Variants in RBBP6 observed in about 807,000 individuals in gnomAD.
RBBP6 encodes RB binding protein 6, ubiquitin ligase, also known as E3 ubiquitin-protein ligase RBBP6.
RBBP6 carries 25 observed loss-of-function variants against 167.7 expected under a neutral mutation model. The observed-to-expected ratio is 0.15, with a 90% CI of 0.11 to 0.21. The LOEUF (loss-of-function observed/expected upper bound fraction) is 0.21. RBBP6 is among the 10% of genes least tolerant of loss of function. The probability of loss-of-function intolerance (pLI) is 1.00; values close to 1 mark genes in which losing one functional copy is unlikely to be tolerated. For synonymous variants in RBBP6, 789 were observed against 735.8 expected, an observed-to-expected ratio of 1.07 and a Z score of -1.17; for missense variants, 1,868 against 2,134.2, an observed-to-expected ratio of 0.88 and a Z score of 2.46.
rs775927814 is a variant in RBBP6, at chr16:24,570,886, A to G, written c.3820A>G (p.Thr1274Ala). Residue 1274 changes from threonine to alanine, a missense_variant, in exon 18 of 18, where the codon ACT (threonine) becomes GCT (alanine). Coordinates refer to ENST00000319715, the MANE Select transcript of RBBP6 (RefSeq NM_006910.5). Reference protein sequence around the residue: ...TLVDYTSTSSTGGSPVRKSEE... With the variant: ...TLVDYTSTSSAGGSPVRKSEE... ...TGTTATTCTTTTTAGTACGAGCTCA[A>G]CTGGAGGCAGTCCTGTGCGGAAATC... is the stretch of plus-strand genomic sequence containing the variant. 1.3e-6 allele frequency: 2 copies of G among 1,526,652 alleles called. No homozygotes were observed. The highest frequency in any genetic ancestry group is 1.8e-6 in the Non-Finnish European group (2 of 1,131,028). 94.6% of individuals were successfully genotyped at this position (1,526,652 alleles called of 1,614,324 possible). A position where few individuals can be genotyped will look rare whatever the true frequency, so the allele number is the denominator to read the frequency against.
intron 3 of RBBP6, among the ~76,000 whole-genome samples, chr16:24,552,443 C>T (rs2141462350): frequency 6.6e-6 from 1 of 151,850 alleles, no homozygotes; most frequent in Admixed American, 6.6e-5. Context: ...GACCTTACGA[C>T]ATGTTAACTA....
intron 1 of RBBP6, among the ~76,000 whole-genome samples, chr16:24,545,602 G>A (rs112602007): frequency 1.2e-3 from 183 of 151,900 alleles, no homozygotes; most frequent in African/African-American, 4.4e-3. Context: ...CCTGTATCTG[G>A]CTGGGTTCTC....
At position 24,572,092 on chromosome 16, in the gene RBBP6, A is replaced by C. The variant is rs1254271599; in HGVS notation, c.5026A>C (p.Ser1676Arg). The change falls in exon 18 of 18, where the codon AGC becomes CGC. Residue 1676 changes from serine (S) to arginine (R), a missense_variant. Ser to Arg is a moderately radical substitution (Grantham distance 110). Around this residue, in one of 7 missense-constraint regions of RBBP6, gnomAD observed 591 missense variants for 540.5 expected, o/e 1.09. Transcript: ENST00000319715. ...KDKIVEKAKE[S>R]LDTAAVVQVG... The stretch of plus-strand genomic sequence containing the variant: ...TAAAATAGTGGAGAAAGCAAAAGAG[A>C]GCCTGGACACAGCAGCAGTTGTCCA... 2 of 1,614,052 alleles carry C rather than the reference A, an allele frequency of 1.2e-6. No individual in the cohort carries two copies. Among genetic ancestry groups the C allele is most frequent in the African/African-American group, 1.3e-5 (1 of 74,928 alleles).
chr16:24,555,244 A>C (rs76757562), intron 4 of RBBP6: 2,252 of 161,568 alleles, frequency 0.014, 62 homozygotes, highest in African/African-American at 0.052. Context: ...CCCTACCTCC[A>C]CATTGTAAGT....
chr16:24,546,950 C>T (rs16973822), intron 2 of RBBP6, among the ~76,000 whole-genome samples: 14,829 of 152,268 alleles, frequency 0.097, 863 homozygotes, highest in South Asian at 0.16. Flanking sequence ...TAGTCCGGAG[C>T]TGGTATTCAC....
chr16:24,546,911 TTGG>T (rs1898669141), intron 2 of RBBP6, among the ~76,000 whole-genome samples: 1 of 152,210 alleles, frequency 6.6e-6, no homozygotes, highest in African/African-American at 2.4e-5. Context: ...ATGCACATTA[TTGG>T]AGTAGGAAGA....
Position 24,561,682 on chromosome 16 carries a change from T to C in RBBP6, c.918T>C (p.Pro306=). The C allele has an allele frequency of 6.2e-7, 1 of 1,614,156 alleles. No individual in the cohort carries two copies. The highest frequency in any genetic ancestry group is 8.5e-7 in the Non-Finnish European group (1 of 1,179,982). The change falls in exon 9 of 18, where the codon CCT becomes CCC. Residue 306 remains proline, a synonymous_variant. Transcript: ENST00000319715. The part of the protein sequence containing the change: ...CPTCHQNDVS[P]DALIANKFLR... ...CGTGTCATCAAAATGATGTTTCTCC[T>C]GATGCTTTAATTGCCAATAAATTTT...
At chr16:24,543,879 C>T (rs1398857310) in intron 1 of RBBP6, among the ~76,000 whole-genome samples, 1 of 152,176 alleles carries the variant, frequency 6.6e-6, no homozygotes, top group East Asian at 1.9e-4. Flanking sequence ...TTCTGTTTTT[C>T]ATTTCATCCA....
chr16:24,564,300 A>G (rs1899142154), intron 13 of RBBP6, among the ~76,000 whole-genome samples: 1 of 152,236 alleles, frequency 6.6e-6, no homozygotes, highest in Non-Finnish European at 1.5e-5. Context: ...AGGATGTATC[A>G]GTAGAAGGAA....
At position 24,555,917 on chromosome 16, in the gene RBBP6, G is replaced by A; in HGVS notation, c.534G>A (p.Gly178=). Residue 178 remains glycine, a splice_region_variant and synonymous_variant, in exon 6 of 18, where the codon GGG becomes GGA. Transcript: ENST00000319715. ...GHYIKNCPTN[G]DKNFESGPRI... ...ATATTAAGAATTGCCCAACAAATGG[G>A]GTAAGTTCAAAGCAGAAACTATGGT... 1 of 1,576,056 alleles carries A rather than the reference G, an allele frequency of 6.3e-7. No homozygotes were observed. The highest frequency in any genetic ancestry group is 8.7e-7 in the Non-Finnish European group (1 of 1,145,670).
Position 24,572,375 on chromosome 16 carries a change from C to T in RBBP6, c.5309C>T (p.Ser1770Leu). Residue 1770 changes from serine to leucine, a missense_variant, in exon 18 of 18, where the codon TCA (serine) becomes TTA (leucine). Coordinates refer to ENST00000319715, the MANE Select transcript of RBBP6 (RefSeq NM_006910.5). ...SQKHKHKKKK[S>L]KKNKDKEKEK... ...AAACACAAACACAAGAAAAAGAAGT[C>T]AAAGAAGAACAAAGATAAAGAGAAG... The T allele has an allele frequency of 6.5e-7, 1 of 1,548,564 alleles. No homozygotes were observed. Among genetic ancestry groups the T allele is most frequent in the Non-Finnish European group, 8.7e-7 (1 of 1,146,254 alleles).
rs374176643 is a variant in RBBP6, at chr16:24,567,154, G to A, written c.1601G>A (p.Arg534His). The A allele has an allele frequency of 3.3e-5, 53 of 1,612,626 alleles. 1 individual carries two copies. Among genetic ancestry groups the A allele is most frequent in the East Asian group, 1.3e-4 (6 of 44,862 alleles). Residue 534 changes from arginine (R) to histidine (H), a missense_variant, in exon 15 of 18, where the codon CGT (arginine) becomes CAT (histidine). Arg to His is a conservative substitution (Grantham distance 29). Coordinates refer to ENST00000319715, the MANE Select transcript of RBBP6 (RefSeq NM_006910.5). ...GERSCYRSIN[R>H]GRHHSERSQR... ...ATTTATTTTTCCAGAAGTATAAACC[G>A]TGGGCGACACCACAGCGAAAGATCA...
Position 24,567,125 on chromosome 16 carries a change from TG to T in RBBP6, c.1590-16del. ...ACTTTAGTTTGAAGAAGTAATATCT[TG>T]GAATTTATTTTTCCAGAAGTATAAA... On this transcript the variant is annotated splice_polypyrimidine_tract_variant and intron_variant, in intron 14 of 17. Coordinates refer to ENST00000319715, the MANE Select transcript of RBBP6 (RefSeq NM_006910.5). 6.3e-7 allele frequency: 1 copy of T among 1,599,846 alleles called. No homozygotes were observed. Among genetic ancestry groups the T allele is most frequent in the South Asian group, 1.1e-5 (1 of 90,398 alleles).
rs1251274957 is a variant in RBBP6, at chr16:24,571,712, A to G, written c.4646A>G (p.Tyr1549Cys). The G allele has an allele frequency of 2.0e-5, 33 of 1,614,094 alleles. No individual in the cohort carries two copies. Among genetic ancestry groups the G allele is most frequent in the Non-Finnish European group, 2.6e-5 (31 of 1,180,046 alleles). ...AAACCTCATGATCACAAAGCCACTT[A>G]TGATACTAAACGGCCAAATGAAGAG... is the stretch of plus-strand genomic sequence containing the variant. ...DRKPHDHKAT[Y>C]DTKRPNEETK... The change falls in exon 18 of 18, where the codon TAT becomes TGT. Residue 1549 changes from tyrosine (Y) to cysteine (C), a missense_variant. This residue lies in a region of RBBP6 where 591 missense variants were observed against 540.5 expected (regional missense o/e 1.09). Coordinates refer to ENST00000319715, the MANE Select transcript of RBBP6 (RefSeq NM_006910.5).
Position 24,569,693 on chromosome 16 carries a change from G to A in RBBP6, c.3003G>A (p.Val1001=). The change falls in exon 17 of 18, where the codon GTG becomes GTA. Residue 1001 remains valine, a synonymous_variant. Transcript: ENST00000319715. ...CAGAATCAATCACTTTTAAATCAGT[G>A]TCTGAAAAAGACAAGAGAGAAAGGG... ...MDAESITFKS[V]SEKDKRERDK... is the part of the protein sequence containing the mutation. 6.2e-7 allele frequency: 1 copy of A among 1,613,872 alleles called. No individual in the cohort carries two copies. Among genetic ancestry groups the A allele is most frequent in the Non-Finnish European group, 8.5e-7 (1 of 1,179,992 alleles).
chr16:24,571,637 A>G lies in RBBP6; in HGVS notation c.4571A>G (p.Lys1524Arg). The change falls in exon 18 of 18, where the codon AAA becomes AGA. Residue 1524 changes from lysine (K) to arginine (R), a missense_variant. This residue lies in a region of RBBP6 where 591 missense variants were observed against 540.5 expected (regional missense o/e 1.09). Transcript: ENST00000319715. ...AGGGAAGAGAGAGATTTGCCTAAAA[A>G]AGGAACAGGAGATTCCAAAAAAAGT... ...KPREERDLPKKGTGDSKKSNS... is the reference protein window; with the variant it reads ...KPREERDLPKRGTGDSKKSNS... 1.2e-6 allele frequency: 2 copies of G among 1,611,646 alleles called. No homozygotes were observed. Among genetic ancestry groups the G allele is most frequent in the Non-Finnish European group, 1.7e-6 (2 of 1,179,484 alleles).
At chr16:24,554,873 T>C (rs1898878725) in intron 4 of RBBP6, 1 of 152,050 alleles carries the variant, frequency 6.6e-6, no homozygotes, top group Non-Finnish European at 1.5e-5. Flanking sequence ...AATGTTGCTG[T>C]TGTTCTAAGC....
At chr16:24,546,735 A>T (rs1898663135) in intron 2 of RBBP6, among the ~76,000 whole-genome samples, 1 of 152,218 alleles carries the variant, frequency 6.6e-6, no homozygotes, top group African/African-American at 2.4e-5. Context: ...AATCATGGGC[A>T]CTGAAATCAG....
At chr16:24,547,085 T>C (rs983320238) in intron 2 of RBBP6, among the ~76,000 whole-genome samples, 1 of 152,222 alleles carries the variant, frequency 6.6e-6, no homozygotes, top group South Asian at 2.1e-4. Flanking sequence ...AGAGTAGTGA[T>C]TTTCACTTAG....
Sources: allele counts gnomAD v4.1 joint callset (sites outside exome capture counted in the v4.1 genomes callset), GRCh38; gene constraint gnomAD v4.1.1; regional missense constraint gnomAD v4.1.1; transcripts MANE v1.5; gene names NCBI Gene and HGNC (gene_info 2026-07-23, HGNC 2026-07-21).